Variants in ZMYND8 observed in about 807,000 individuals in gnomAD.
The protein encoded by ZMYND8 is MYND-type zinc finger-containing chromatin reader ZMYND8.
In ZMYND8, 37 loss-of-function variants were observed where a neutral mutation model predicts 140.8. The ratio of observed to expected loss-of-function variants is 0.26; its 90% confidence interval spans 0.20 to 0.35. The LOEUF (loss-of-function observed/expected upper bound fraction) is 0.35, where lower values mean the gene tolerates loss of function less well. Among genes scored for constraint, ZMYND8 ranks in the 10% least tolerant of loss-of-function variants. The probability of loss-of-function intolerance (pLI) is 1.00; values close to 1 mark genes in which losing one functional copy is unlikely to be tolerated. For synonymous variants in ZMYND8, 592 were observed against 597.1 expected (o/e 0.99, Z 0.12); for missense variants, 1,068 against 1,570.0 (o/e 0.68, Z 5.40).
At chr20:47,333,747 A>AAAAC (rs2081164907) in intron 2 of ZMYND8, among the ~76,000 whole-genome samples, 4 of 144,750 alleles carry the variant, frequency 2.8e-5, no homozygotes, top group African/African-American at 8.0e-5. Flanking sequence ...AAAAAAAAAA[A>AAAAC]AAAAAAAAAC....
chr20:47,237,307 G>A (rs116762044), intron 15 of ZMYND8: 1 of 149,628 alleles, frequency 6.7e-6, no homozygotes, highest in Non-Finnish European at 1.5e-5. Flanking sequence ...TGCCCGGCTA[G>A]TTTTTTGCTT....
intron 21 of ZMYND8, among the ~76,000 whole-genome samples, chr20:47,217,788 G>A (rs2036338387): frequency 6.6e-6 from 1 of 152,118 alleles, no homozygotes; most frequent in Non-Finnish European, 1.5e-5. Context: ...ACCAATAGCT[G>A]CTCTTCTGAC....
intron 2 of ZMYND8, among the ~76,000 whole-genome samples, chr20:47,338,442 T>C (rs1290761380): frequency 6.6e-6 from 1 of 150,756 alleles, no homozygotes; most frequent in South Asian, 2.1e-4. Context: ...AAAAAAAACA[T>C]GTTCACTGAG....
At chr20:47,343,698 C>T (rs555929918) in intron 2 of ZMYND8, among the ~76,000 whole-genome samples, 4 of 152,260 alleles carry the variant, frequency 2.6e-5, no homozygotes, top group African/African-American at 2.4e-5. Context: ...GATTTTGCCA[C>T]GTTGGCCAGG....
At chr20:47,313,985 TC>T (rs2079171406) in intron 2 of ZMYND8, among the ~76,000 whole-genome samples, 1 of 151,830 alleles carries the variant, frequency 6.6e-6, no homozygotes, top group Non-Finnish European at 1.5e-5. Context: ...GGACCAATAT[TC>T]CTCCCAAAAA....
chr20:47,290,388 T>A, intron 6 of ZMYND8, 114 bp from the exon 7 acceptor site: 1 of 801,488 alleles, frequency 1.2e-6, no homozygotes, highest in East Asian at 2.8e-5. Flanking sequence ...CAATTAGTGT[T>A]CTTCTATTCA....
intron 2 of ZMYND8, among the ~76,000 whole-genome samples, chr20:47,312,844 C>T (rs541743748): frequency 6.6e-6 from 1 of 152,084 alleles, no homozygotes; most frequent in South Asian, 2.1e-4. Flanking sequence ...CACATTCCCC[C>T]AGAGAAACCT....
chr20:47,221,146 A>G (rs1173231124), intron 20 of ZMYND8, among the ~76,000 whole-genome samples, 168 bp downstream of exon 20: 1 of 152,096 alleles, frequency 6.6e-6, no homozygotes. Flanking sequence ...CAGGTCCCAC[A>G]CACGCCGGCC....
chr20:47,286,622 G>T (rs2076938990), intron 8 of ZMYND8, among the ~76,000 whole-genome samples: 2 of 152,180 alleles, frequency 1.3e-5, no homozygotes. Context: ...ACACTGACAG[G>T]TTGAAGGTCA....
At chr20:47,272,663 C>T (rs1012900995) in intron 11 of ZMYND8, among the ~76,000 whole-genome samples, 1 of 152,186 alleles carries the variant, frequency 6.6e-6, no homozygotes, top group African/African-American at 2.4e-5. Flanking sequence ...CAAAGTGCTT[C>T]TTAGAAAGCT....
Position 47,246,045 on chromosome 20 carries a change from A to T in ZMYND8, c.2247T>A (p.Asn749Lys). Residue 749 changes from asparagine (N) to lysine (K), a missense_variant, in exon 14 of 23, where the codon AAT becomes AAA. Transcript: ENST00000471951. ...EDHSGREGRK[N>K]KKEPKEPSPK... ...GAGATGGTTCTTTGGGTTCCTTCTT[A>T]TTTTTTCGACCCTCCCGCCCAGAAT... 6.2e-7 allele frequency: 1 copy of T among 1,605,886 alleles called. No individual in the cohort carries two copies. Among genetic ancestry groups the T allele is most frequent in the Non-Finnish European group, 8.5e-7 (1 of 1,177,642 alleles).
chr20:47,246,634 C>T (rs1263409377), intron 13 of ZMYND8, 117 bp from the exon 14 acceptor site: 1 of 1,402,192 alleles, frequency 7.1e-7, no homozygotes, highest in African/African-American at 1.4e-5. Flanking sequence ...TTTCAAATCG[C>T]ATCACATTGG....
chr20:47,305,826 T>G (rs948514024), intron 3 of ZMYND8, among the ~76,000 whole-genome samples: 1 of 152,186 alleles, frequency 6.6e-6, no homozygotes, highest in African/African-American at 2.4e-5. Flanking sequence ...AACAGGATGT[T>G]TGAACTCAAA....
intron 2 of ZMYND8, among the ~76,000 whole-genome samples, chr20:47,324,617 G>A (rs2080260587): frequency 6.6e-6 from 1 of 152,212 alleles, no homozygotes; most frequent in African/African-American, 2.4e-5. Context: ...ATGAAGACCT[G>A]CAGTGCCCCT....
intron 1 of ZMYND8, chr20:47,353,091 G>C (rs769910721): frequency 6.6e-6 from 1 of 152,062 alleles, no homozygotes; most frequent in Non-Finnish European, 1.5e-5. Flanking sequence ...GGGGAAAGAG[G>C]GCAAAAGAAA....
chr20:47,288,586 G>A (rs898822205), intron 7 of ZMYND8, among the ~76,000 whole-genome samples: 1 of 151,762 alleles, frequency 6.6e-6, no homozygotes, highest in African/African-American at 2.4e-5. Flanking sequence ...TAGAGACAGG[G>A]TTTCACCATG....
intron 11 of ZMYND8, among the ~76,000 whole-genome samples, chr20:47,275,583 T>G (rs6094644): frequency 0.29 from 43,836 of 151,326 alleles, 6,445 homozygotes; most frequent in Non-Finnish European, 0.33. Flanking sequence ...ACTATTATTG[T>G]TTTTTACCTT....
intron 3 of ZMYND8, among the ~76,000 whole-genome samples, chr20:47,303,623 G>A (rs2078247784): frequency 6.6e-6 from 1 of 152,034 alleles, no homozygotes; most frequent in Non-Finnish European, 1.5e-5. Flanking sequence ...TTGAACCCGG[G>A]AGGTGGAGGT....
At chr20:47,225,110 G>A (rs2037501691) in intron 18 of ZMYND8, among the ~76,000 whole-genome samples, 1 of 123,036 alleles carries the variant, frequency 8.1e-6, no homozygotes, top group African/African-American at 4.4e-5. Context: ...TTTCTTGTAG[G>A]TGTCTCCTGT....
Sources: gnomAD v4.1 joint callset for allele counts (sites outside exome capture counted in the v4.1 genomes callset) on GRCh38, gnomAD v4.1.1 for gene constraint, MANE v1.5 for transcripts, NCBI Gene and HGNC (gene_info 2026-07-23, HGNC 2026-07-21) for gene names.